Variants in CSMD1 observed in about 807,000 individuals in gnomAD.
CSMD1 encodes CUB and sushi domain-containing protein 1.
Under a neutral mutation model 417.5 loss-of-function variants are expected in CSMD1, and 213 were observed. That is an observed-to-expected ratio of 0.51 (90% CI 0.46 to 0.57). The LOEUF (loss-of-function observed/expected upper bound fraction) is 0.57. CSMD1 is among the 20% of genes least tolerant of loss of function. CSMD1 has a pLI of 0.00. For synonymous variants in CSMD1, 2,862 were observed against 1,736.8 expected (o/e 1.65, Z -16.11); for missense variants, 6,923 against 4,529.7 (o/e 1.53, Z -15.17).
At chr8:3,503,843 A>T (rs867874946) in intron 10 of CSMD1, among the ~76,000 whole-genome samples, 5 of 73,512 alleles carry the variant, frequency 6.8e-5, no homozygotes, top group African/African-American at 1.8e-4. Context: ...GCCCCCCCCC[A>T]ACCCCCACAC....
At chr8:4,387,676 G>T (rs1429753150) in intron 3 of CSMD1, among the ~76,000 whole-genome samples, 1 of 150,328 alleles carries the variant, frequency 6.7e-6, no homozygotes, top group African/African-American at 2.4e-5. Flanking sequence ...ATCAATTAAG[G>T]GCTTTTACAA....
At chr8:3,556,298 C>G (rs796392460) in intron 10 of CSMD1, among the ~76,000 whole-genome samples, 11 of 150,308 alleles carry the variant, frequency 7.3e-5, no homozygotes, top group African/African-American at 2.7e-4. Context: ...ACTACCCTTC[C>G]CAGCCTCTGA....
At chr8:4,795,981 T>G (rs1207334010) in intron 1 of CSMD1, among the ~76,000 whole-genome samples, 4 of 152,170 alleles carry the variant, frequency 2.6e-5, no homozygotes, top group Non-Finnish European at 5.9e-5. Context: ...TAAGCCTCTC[T>G]GATATGTCAT....
At position 4,468,101 on chromosome 8, in the gene CSMD1, C is replaced by T. The variant is rs187875841; in HGVS notation, c.303-48036G>A. Among the ~76,000 whole-genome samples the T allele has an allele frequency of 1.2e-4, 18 of 152,230 alleles. No individual in the cohort carries two copies. In the East Asian group the frequency reaches 2.3e-3, roughly 20 times the overall value. ...ATTGATCTGCACTGTTCTGATGAACCGCTTTCTAAAATTCAGATATAACTT... is the reference window on the plus strand; with the variant it reads ...ATTGATCTGCACTGTTCTGATGAACTGCTTTCTAAAATTCAGATATAACTT... On this transcript the variant is annotated intron_variant, in intron 2 of 69. Transcript: ENST00000635120.
At chr8:3,231,462 C>T (rs1427725768) in intron 26 of CSMD1, among the ~76,000 whole-genome samples, 2 of 152,048 alleles carry the variant, frequency 1.3e-5, no homozygotes, top group African/African-American at 4.8e-5. Context: ...GTAGGCTTTG[C>T]GTTTTGTTTT....
intron 2 of CSMD1, among the ~76,000 whole-genome samples, chr8:4,628,776 G>A (rs1802320919): frequency 6.6e-6 from 1 of 152,048 alleles, no homozygotes; most frequent in Non-Finnish European, 1.5e-5. Context: ...GCTTCCCACA[G>A]CCTCTACTGA....
At chr8:4,249,337 G>A (rs1802906524) in intron 3 of CSMD1, among the ~76,000 whole-genome samples, 1 of 152,278 alleles carries the variant, frequency 6.6e-6, no homozygotes. Flanking sequence ...CTAAGAGGAT[G>A]GAATAAAGCG....
intron 3 of CSMD1, among the ~76,000 whole-genome samples, chr8:4,226,912 T>A (rs1519179): frequency 6.6e-6 from 1 of 151,990 alleles, no homozygotes; most frequent in African/African-American, 2.4e-5. Context: ...TTTTTGTTGT[T>A]GTTGTCACTT....
chr8:4,583,573 C>G (rs1030844373), intron 2 of CSMD1, among the ~76,000 whole-genome samples: 2 of 151,910 alleles, frequency 1.3e-5, no homozygotes, highest in Non-Finnish European at 2.9e-5. Flanking sequence ...CCTGTATTTA[C>G]CTCAAGGTTT....
At chr8:2,973,674 A>G (rs1292951801) in intron 56 of CSMD1, among the ~76,000 whole-genome samples, 3 of 144,638 alleles carry the variant, frequency 2.1e-5, no homozygotes, top group Admixed American at 2.0e-4. Context: ...GAAAAAAAAA[A>G]AAAAAGTCAA....
chr8:4,937,570 A>G (rs1217507442), intron 1 of CSMD1, among the ~76,000 whole-genome samples: 1 of 152,246 alleles, frequency 6.6e-6, no homozygotes, highest in African/African-American at 2.4e-5. Context: ...TGTCAGCATG[A>G]CAAAGAACAA....
At position 2,973,176 on chromosome 8, in the gene CSMD1, G is replaced by T. The variant is rs753931928; in HGVS notation, c.8864C>A (p.Ser2955Tyr). The change falls in exon 57 of 70, where the codon TCC (serine) becomes TAC (tyrosine). Residue 2955 changes from serine to tyrosine, a missense_variant. Transcript: ENST00000635120. Reference sequence around the variant, plus strand: ...ATTGAGCAAACACGTGCGTTCAGGGGAGCCCCTCAGCTGGTGCCCCATTTC... The same window carrying T: ...ATTGAGCAAACACGTGCGTTCAGGGTAGCCCCTCAGCTGGTGCCCCATTTC... ...SCEMGHQLRG[S>Y]PERTCLLNGS... is the part of the protein sequence containing the mutation. 9.9e-6 allele frequency: 16 copies of T among 1,613,768 alleles called. No homozygotes were observed. Among genetic ancestry groups the T allele is most frequent in the Non-Finnish European group, 1.3e-5 (15 of 1,179,760 alleles).
intron 3 of CSMD1, among the ~76,000 whole-genome samples, chr8:4,177,842 A>C (rs10091626): frequency 0.067 from 10,159 of 151,604 alleles, 1,169 homozygotes; most frequent in African/African-American, 0.23. Context: ...GAAATGGATA[A>C]ATTCCTCGAC....
At chr8:4,648,281 C>G (rs1287768659) in intron 1 of CSMD1, among the ~76,000 whole-genome samples, 1 of 152,022 alleles carries the variant, frequency 6.6e-6, no homozygotes, top group African/African-American at 2.4e-5. Flanking sequence ...TTGCTAATTT[C>G]TTGTAGTTTT....
At chr8:4,394,327 G>C (rs1804060837) in intron 3 of CSMD1, among the ~76,000 whole-genome samples, 1 of 152,120 alleles carries the variant, frequency 6.6e-6, no homozygotes, top group Non-Finnish European at 1.5e-5. Flanking sequence ...TAATTTAATG[G>C]AGAATGTAGT....
chr8:4,233,184 A>G (rs1226370432), intron 3 of CSMD1, among the ~76,000 whole-genome samples: 2 of 152,244 alleles, frequency 1.3e-5, no homozygotes, highest in African/African-American at 4.8e-5. Flanking sequence ...CAACATTCAT[A>G]TTGAAAACAT....
rs550155016 is a variant in CSMD1 at position 4,372,647 on chromosome 8, A to T, written c.415+47306T>A. On this transcript the variant is annotated intron_variant, in intron 3 of 69. Transcript: ENST00000635120. The stretch of plus-strand genomic sequence containing the variant: ...AGGAAGTGTTAAAAAAAAAAAAAAA[A>T]ATCACAAACAAAAAGCCACATTGAT... Among the ~76,000 whole-genome samples the T allele has an allele frequency of 8.5e-5, 12 of 141,334 alleles. No individual in the cohort carries two copies. In the East Asian group the frequency reaches 2.3e-3, roughly 27 times the overall value. 92.7% of individuals were successfully genotyped at this position (141,334 alleles called of 152,430 possible). A position where few individuals can be genotyped will look rare whatever the true frequency, so the allele number is the denominator to read the frequency against.
At chr8:4,245,081 T>A (rs1485350605) in intron 3 of CSMD1, among the ~76,000 whole-genome samples, 2 of 152,168 alleles carry the variant, frequency 1.3e-5, no homozygotes, top group Non-Finnish European at 2.9e-5. Context: ...TGCCAACCTG[T>A]CTGGAATGAA....
At chr8:4,268,845 G>T (rs933912095) in intron 3 of CSMD1, among the ~76,000 whole-genome samples, 2 of 152,032 alleles carry the variant, frequency 1.3e-5, no homozygotes, top group African/African-American at 4.8e-5. Flanking sequence ...ATATGGGAGA[G>T]ATTTTCATAA....
Sources: allele counts gnomAD v4.1 joint callset (sites outside exome capture counted in the v4.1 genomes callset), GRCh38; gene constraint gnomAD v4.1.1; transcripts MANE v1.5; gene names NCBI Gene and HGNC (gene_info 2026-07-23, HGNC 2026-07-21).